Variants in CMIP observed in about 807,000 individuals in gnomAD.
CMIP encodes c-Maf inducing protein.
A neutral mutation model predicts 97.3 loss-of-function variants in CMIP; 13 were observed. The ratio of observed to expected loss-of-function variants is 0.13; its 90% CI spans 0.09 to 0.21. The LOEUF (loss-of-function observed/expected upper bound fraction) is 0.21. Among genes scored for constraint, CMIP ranks in the 10% least tolerant of loss-of-function variants. CMIP has a pLI of 1.00. For synonymous variants in CMIP, 538 were observed against 436.3 expected (o/e 1.23, Z -2.91); for missense variants, 847 against 1,024.9 (o/e 0.83, Z 2.37).
At chr16:81,644,927 T>C (rs886936569) in intron 3 of CMIP, among the ~76,000 whole-genome samples, 1 of 152,052 alleles carries the variant, frequency 6.6e-6, no homozygotes, top group African/African-American at 2.4e-5. Context: ...TCAGCATCGA[T>C]GGGTAGAGGC....
At chr16:81,678,722 G>T in intron 10 of CMIP, 94 bp downstream of exon 10, 1 of 631,418 alleles carries the variant, frequency 1.6e-6, no homozygotes, top group Non-Finnish European at 2.8e-6. Flanking sequence ...TTCGAGCTAC[G>T]CAGGGCCGGG....
chr16:81,548,032 C>A (rs968968144), intron 1 of CMIP, among the ~76,000 whole-genome samples: 2 of 152,010 alleles, frequency 1.3e-5, no homozygotes, highest in Non-Finnish European at 2.9e-5. Flanking sequence ...ATCATTACAG[C>A]GGCTGGCATT....
chr16:81,514,696 C>T (rs1031425081), intron 1 of CMIP, among the ~76,000 whole-genome samples: 4 of 152,086 alleles, frequency 2.6e-5, no homozygotes, highest in African/African-American at 9.7e-5. Context: ...AACCTGGGTC[C>T]CCGTGGGTTT....
chr16:81,509,716 G>A (rs1032403502), intron 1 of CMIP, among the ~76,000 whole-genome samples: 4 of 152,156 alleles, frequency 2.6e-5, no homozygotes, highest in Non-Finnish European at 5.9e-5. Flanking sequence ...GATAACCCAA[G>A]GGCATGGTCT....
rs1428459089 is a variant in CMIP at position 81,652,061 on chromosome 16, T to G, written c.478-142T>G. On this transcript the variant is annotated intron_variant, in intron 3 of 20. Transcript: ENST00000537098. The surrounding 1 kb of genome is among the most constrained non-coding windows in gnomAD (Gnocchi z 5.2). ...CCCTTCCTCTCTCGGGGTGTCAGTT[T>G]CCTTATAAACGGGGACTGGGCCAAG... The G allele has an allele frequency of 3.4e-5, 22 of 643,008 alleles. No homozygotes were observed. The East Asian group carries it at 5.5e-4, about 16-fold the overall frequency. 39.8% of individuals were successfully genotyped at this position (643,008 alleles called of 1,614,324 possible).
intron 10 of CMIP, among the ~76,000 whole-genome samples, chr16:81,688,592 G>T (rs1311360512): frequency 6.6e-6 from 1 of 152,164 alleles, no homozygotes; most frequent in Non-Finnish European, 1.5e-5. Context: ...CAGTGTGTGT[G>T]GAAAGTCTCC....
chr16:81,641,475 T>C (rs1362073235), intron 3 of CMIP, among the ~76,000 whole-genome samples: 1 of 152,042 alleles, frequency 6.6e-6, no homozygotes, highest in African/African-American at 2.4e-5. Context: ...TTGCCCACGG[T>C]GCAGCTGGCC....
Position 81,621,351 on chromosome 16 carries a change from C to G in CMIP, c.477+425C>G, listed in dbSNP as rs1419098738. ...CTGAGCCCTATTTCTGTAGTCTTCA[C>G]TGATTTTCAGTTGTCGGATTCTGTG... is the stretch of plus-strand genomic sequence containing the variant. On this transcript the variant is annotated intron_variant, in intron 3 of 20. Transcript: ENST00000537098. This position sits in a 1 kb window ranked among gnomAD's most constrained non-coding sequence, Gnocchi z 4.1. 6.1e-6 allele frequency: 1 copy of G among 163,662 alleles called. No homozygotes were observed. The highest frequency in any genetic ancestry group is 5.7e-5 in the Admixed American group (1 of 17,576). 10.1% of individuals were successfully genotyped at this position (163,662 alleles called of 1,614,324 possible).
intron 1 of CMIP, among the ~76,000 whole-genome samples, chr16:81,452,187 C>T (rs568823927): frequency 1.3e-3 from 202 of 152,300 alleles, no homozygotes; most frequent in Non-Finnish European, 2.0e-3. Flanking sequence ...ACACGGCAGA[C>T]CCAGTGGAGT....
chr16:81,642,603 G>A (rs527450511), intron 3 of CMIP, among the ~76,000 whole-genome samples: 2 of 152,284 alleles, frequency 1.3e-5, no homozygotes, highest in African/African-American at 4.8e-5. Context: ...GATAGCCTAC[G>A]GTGGAGACAA....
chr16:81,698,293 G>A (rs1271688864), intron 14 of CMIP, among the ~76,000 whole-genome samples: 4 of 152,192 alleles, frequency 2.6e-5, no homozygotes, highest in Non-Finnish European at 5.9e-5. Context: ...CCCCAGCCCC[G>A]GTGACCGGGG....
At chr16:81,501,036 A>G (rs917508615) in intron 1 of CMIP, among the ~76,000 whole-genome samples, 20 of 152,228 alleles carry the variant, frequency 1.3e-4, no homozygotes, top group African/African-American at 4.6e-4. Flanking sequence ...TTTGGAAAAT[A>G]AGCAAAGGCA....
At position 81,704,070 on chromosome 16, in the gene CMIP, C is replaced by T. The variant is rs768922451; in HGVS notation, c.2076C>T (p.Asn692=). 2 of 1,605,030 alleles carry T rather than the reference C, an allele frequency of 1.2e-6. No individual in the cohort carries two copies. The highest frequency in any genetic ancestry group is 1.7e-6 in the Non-Finnish European group (2 of 1,176,560). ...LIKLPSLKQL[N]LWSTQFGDAG... is the part of the protein sequence containing the mutation. Reference sequence around the variant, plus strand: ...AACTGCCTTCGCTCAAGCAGCTGAACCTGTGGTCCACTCAGGTACGTCCTC... The same window carrying T: ...AACTGCCTTCGCTCAAGCAGCTGAATCTGTGGTCCACTCAGGTACGTCCTC... The change falls in exon 18 of 21, where the codon AAC becomes AAT. Residue 692 remains asparagine (N), a synonymous_variant. Coordinates refer to ENST00000537098, the MANE Select transcript of CMIP (RefSeq NM_198390.3).
At position 81,691,823 on chromosome 16, in the gene CMIP, C is replaced by T; in HGVS notation, c.1437C>T (p.Pro479=). Residue 479 remains proline, a synonymous_variant, in exon 11 of 21, where the codon CCC becomes CCT. Coordinates refer to ENST00000537098, the MANE Select transcript of CMIP (RefSeq NM_198390.3). ...WRPSLASLLQ[P]IPFPKEALAH... The stretch of plus-strand genomic sequence containing the variant: ...CGTCTCTGGCCAGTTTGCTTCAACC[C>T]ATTCCATTCCCCAAAGAGTAAGTCC... 1.2e-6 allele frequency: 2 copies of T among 1,613,792 alleles called. No homozygotes were observed. Among genetic ancestry groups the T allele is most frequent in the Non-Finnish European group, 1.7e-6 (2 of 1,179,720 alleles).
intron 19 of CMIP, among the ~76,000 whole-genome samples, chr16:81,706,660 C>A (rs1168782356): frequency 2.0e-5 from 3 of 152,152 alleles, no homozygotes; most frequent in African/African-American, 7.2e-5. Context: ...GACGGGGGGA[C>A]CATCCGGGGT....
At chr16:81,533,509 CTTT>C (rs1379036399) in intron 1 of CMIP, among the ~76,000 whole-genome samples, 1 of 152,144 alleles carries the variant, frequency 6.6e-6, no homozygotes, top group Admixed American at 6.5e-5. Flanking sequence ...GACGGAGTCT[CTTT>C]TTGTCACCCA....
At chr16:81,449,028 G>A (rs1458901689) in intron 1 of CMIP, among the ~76,000 whole-genome samples, 2 of 152,246 alleles carry the variant, frequency 1.3e-5, no homozygotes, top group East Asian at 1.9e-4. Flanking sequence ...TGCTGCTCTC[G>A]TCTGTGGGTT....
At chr16:81,554,695 C>G (rs547418181) in intron 1 of CMIP, among the ~76,000 whole-genome samples, 172 of 152,312 alleles carry the variant, frequency 1.1e-3, no homozygotes, top group African/African-American at 4.1e-3. Context: ...AGCCACTTCT[C>G]TGGCTGTGTG....
intron 15 of CMIP, among the ~76,000 whole-genome samples, chr16:81,701,082 T>A (rs1336810122): frequency 6.7e-6 from 1 of 149,836 alleles, no homozygotes; most frequent in Non-Finnish European, 1.5e-5. Context: ...CCCAGGAGGT[T>A]GAAACTAGCC....
Sources: gnomAD v4.1 joint callset for allele counts (sites outside exome capture counted in the v4.1 genomes callset) on GRCh38, gnomAD v4.1.1 for gene constraint, Gnocchi (gnomAD v3.1) non-coding constraint, MANE v1.5 for transcripts, NCBI Gene and HGNC (gene_info 2026-07-23, HGNC 2026-07-21) for gene names.